TPP1: variants seen among roughly 807,000 people sequenced by gnomAD.
TPP1 encodes tripeptidyl-peptidase 1.
In TPP1, 43 loss-of-function variants were observed where a neutral mutation model predicts 67.6. That is an observed-to-expected ratio of 0.64 (90% confidence interval 0.50 to 0.82). The LOEUF is 0.82. Ranked by LOEUF, TPP1 falls within the 40% of genes least tolerant of loss-of-function variation. The pLI is 0.00. For missense variants in TPP1, 671 were observed against 710.9 expected (o/e 0.94, Z 0.64); for synonymous variants, 272 against 281.5 (o/e 0.97, Z 0.34).
rs1261606377 is a variant in TPP1 at position 6,618,700 on chromosome 11, A to T, written c.229+76T>A. On this transcript the variant is annotated intron_variant, in intron 3 of 12. Transcript: ENST00000299427. Reference sequence around the variant, plus strand: ...AAGTGTCTTGGCAGGCTCTGACATGATCGCCATCCCATGCCCAACCCAGCC... The same window carrying T: ...AAGTGTCTTGGCAGGCTCTGACATGTTCGCCATCCCATGCCCAACCCAGCC... 6 of 1,595,662 alleles carry T rather than the reference A, an allele frequency of 3.8e-6. No homozygotes were observed. The African/African-American group carries it at 8.0e-5, about 21-fold the overall frequency.
rs1855542912 is a variant in TPP1 at position 6,614,403 on chromosome 11, C to T, written c.*143G>A. 3 of 1,165,882 alleles carry T rather than the reference C, an allele frequency of 2.6e-6. No individual in the cohort carries two copies. The highest frequency in any genetic ancestry group is 4.8e-5 in the East Asian group (2 of 41,496). The allele number at this position is 1,165,882 out of a possible 1,614,324, so 72.2% of individuals were successfully genotyped here. A position where few individuals can be genotyped will look rare whatever the true frequency, so the allele number is the denominator to read the frequency against. On this transcript the variant is annotated 3_prime_UTR_variant, in exon 13 of 13. Transcript: ENST00000299427. Reference sequence around the variant, plus strand: ...GTAGGGTTGGGAGTCAAGTCAAGCTCACAGCATTTCAGGGTTAGGGAGATA... The same window carrying T: ...GTAGGGTTGGGAGTCAAGTCAAGCTTACAGCATTTCAGGGTTAGGGAGATA...
intron 3 of TPP1, 150 bp from the exon 4 acceptor site, chr11:6,617,926 G>A: frequency 1.9e-6 from 2 of 1,072,114 alleles, no homozygotes; most frequent in Non-Finnish European, 2.8e-6. Context: ...TACTTGGGAA[G>A]CAGAGGAAGA....
At chr11:6,615,672 G>T in intron 9 of TPP1, 110 bp from the exon 10 acceptor site, 1 of 1,394,194 alleles carries the variant, frequency 7.2e-7, no homozygotes, top group Non-Finnish European at 1.0e-6. Flanking sequence ...AGACTCTGTG[G>T]GGAAGCATGT....
In TPP1 at chr11:6,616,508, A is replaced by T. The variant is rs1589948296; in HGVS notation, c.887-5T>A. ...GCTCCTGTCCCTCATGCCGGCCTGGATTTTTTTTTTTTTTTTTTTTGAGGG... is the reference window on the plus strand; with the variant it reads ...GCTCCTGTCCCTCATGCCGGCCTGGTTTTTTTTTTTTTTTTTTTTTGAGGG... On this transcript the variant is annotated splice_region_variant and splice_polypyrimidine_tract_variant and intron_variant, in intron 7 of 12. Coordinates refer to ENST00000299427, the MANE Select transcript of TPP1 (RefSeq NM_000391.4). 6.7e-7 allele frequency: 1 copy of T among 1,492,658 alleles called. No homozygotes were observed. The highest frequency in any genetic ancestry group is 8.9e-7 in the Non-Finnish European group (1 of 1,120,988). 92.5% of individuals were successfully genotyped at this position (1,492,658 alleles called of 1,614,324 possible).
rs1589947157 is a variant in TPP1, at chr11:6,614,087, A to G, written c.*459T>C. The G allele has an allele frequency of 5.6e-6, 1 of 177,562 alleles. No homozygotes were observed. The highest frequency in any genetic ancestry group is 1.6e-4 in the East Asian group (1 of 6,378). The allele number at this position is 177,562 out of a possible 1,614,324, so 11.0% of individuals were successfully genotyped here. On this transcript the variant is annotated 3_prime_UTR_variant, in exon 13 of 13. Transcript: ENST00000299427. ...AAGTAAGGAGAGGGAGTGGGCAACT[A>G]TGATGGAAAGGCCATAAAGCAAAGA... is the stretch of plus-strand genomic sequence containing the variant.
rs1374784888 is a variant in TPP1, at chr11:6,618,755, G to A, written c.229+21C>T. The stretch of plus-strand genomic sequence containing the variant: ...GTCCCTCCACCGCATCCCACATCCT[G>A]TCCTCAGTCCCAAAAGGCACCGTAT... On this transcript the variant is annotated intron_variant, in intron 3 of 12. Transcript: ENST00000299427. 6.8e-6 allele frequency: 11 copies of A among 1,612,902 alleles called. No individual in the cohort carries two copies. In the Admixed American group the frequency reaches 1.8e-4, roughly 27 times the overall value.
rs57382209 is a variant in TPP1, at chr11:6,616,904, C to T, written c.688-45G>A. 4,466 of 1,613,942 alleles carry T rather than the reference C, an allele frequency of 2.8e-3. 108 individuals carry two copies. The African/African-American group carries it at 0.053, about 19-fold the overall frequency. ...AGAGATCGTGGGTCCGAGGGTGAGT[C>T]CCAGGGTGGTAAGGAATTGAGGACA... On this transcript the variant is annotated intron_variant, in intron 6 of 12. Coordinates refer to ENST00000299427, the MANE Select transcript of TPP1 (RefSeq NM_000391.4).
Position 6,615,943 on chromosome 11 carries a change from A to G in TPP1, c.1145+62T>C, listed in dbSNP as rs369636211. The G allele has an allele frequency of 2.0e-4, 312 of 1,572,362 alleles. 2 individuals are homozygous for G. The highest frequency in any genetic ancestry group is 1.0e-3 in the South Asian group (94 of 90,156). ...ATGGTGGGGTCAAGACAAAGGTTCT[A>G]CATCATGAGATCACAAGTGAAAGGT... On this transcript the variant is annotated intron_variant, in intron 9 of 12. Coordinates refer to ENST00000299427, the MANE Select transcript of TPP1 (RefSeq NM_000391.4).
In TPP1 at chr11:6,616,401, T is replaced by C; in HGVS notation, c.989A>G (p.Asp330Gly). 6 of 1,613,386 alleles carry C rather than the reference T, an allele frequency of 3.7e-6. No homozygotes were observed. The highest frequency in any genetic ancestry group is 4.2e-6 in the Non-Finnish European group (5 of 1,179,912). ...CTGGATGTAGGCGCTGCTGAGGGAG[T>C]CCTCATCATCTCCATAGCTCACAGT... ...VHTVSYGDDEDSLSSAYIQRV... is the reference protein window; with the variant it reads ...VHTVSYGDDEGSLSSAYIQRV... Residue 330 changes from aspartate to glycine, a missense_variant, in exon 8 of 13, where the codon GAC (aspartate) becomes GGC (glycine). By Grantham distance (94) the Asp-to-Gly change is moderately conservative (BLOSUM62 -1). Transcript: ENST00000299427.
chr11:6,614,663 G>T lies in TPP1; in HGVS notation c.1575C>A (p.Ser525=), dbSNP rs1430633492. 6.2e-7 allele frequency: 1 copy of T among 1,614,006 alleles called. No individual in the cohort carries two copies. The highest frequency in any genetic ancestry group is 1.3e-5 in the African/African-American group (1 of 74,898). Residue 525 remains serine (S), a synonymous_variant, in exon 13 of 13, where the codon TCC becomes TCA. Transcript: ENST00000299427. ...LFDVTRGCHE[S]CLDEEVEGQG... is the part of the protein sequence containing the mutation. ...GGCCCTCTACCTCTTCATCCAGACAGGACTCATGGCAGCCACGGGTTACCT... is the reference window on the plus strand; with the variant it reads ...GGCCCTCTACCTCTTCATCCAGACATGACTCATGGCAGCCACGGGTTACCT...
Position 6,616,206 on chromosome 11 carries a change from G to A in TPP1, c.1075+109C>T. ...TCAGGTCAGTGGTCCCTACTGGAAG[G>A]TCTGAGTTCAGATTATGAGTCAGAG... On this transcript the variant is annotated intron_variant, in intron 8 of 12. Coordinates refer to ENST00000299427, the MANE Select transcript of TPP1 (RefSeq NM_000391.4). The A allele has an allele frequency of 2.5e-6, 4 of 1,583,032 alleles. No homozygotes were observed. In the South Asian group the frequency reaches 4.4e-5, roughly 18 times the overall value.
intron 8 of TPP1, 22 bp from the exon 9 acceptor site, chr11:6,616,096 A>C (rs1253811702): frequency 6.2e-7 from 1 of 1,613,784 alleles, no homozygotes; most frequent in African/African-American, 1.3e-5. Context: ...CAAGTGTAGC[A>C]TTCATATTAA....
rs587780972 is a variant in TPP1, at chr11:6,616,025, G to A, written c.1125C>T (p.Arg375=). The part of the protein sequence containing the change: ...CWSVSGRHQF[R]PTFPASSPYV... Reference sequence around the variant, plus strand: ...CTTACCTGGAGGCAGGGAAGGTAGGGCGGAACTGGTGTCTTCCAGAGACAG... The same window carrying A: ...CTTACCTGGAGGCAGGGAAGGTAGGACGGAACTGGTGTCTTCCAGAGACAG... The change falls in exon 9 of 13, where the codon CGC becomes CGT. Residue 375 remains arginine (R), a synonymous_variant. Coordinates refer to ENST00000299427, the MANE Select transcript of TPP1 (RefSeq NM_000391.4). 11 of 1,614,088 alleles carry A rather than the reference G, an allele frequency of 6.8e-6. No homozygotes were observed. The African/African-American group carries it at 1.5e-4, about 22-fold the overall frequency.
chr11:6,615,726 C>T (rs2734721), intron 9 of TPP1, 164 bp from the exon 10 acceptor site: 26 of 931,102 alleles, frequency 2.8e-5, no homozygotes, highest in East Asian at 5.1e-5. Context: ...AGGCATGGCC[C>T]GAGGTGACTG....
rs191674664 is a variant in TPP1 at position 6,619,162 on chromosome 11, G to A, written c.89+34C>T. ...GACAGTGGGAGGCAGAACAGGGTAT[G>A]GGGAAGGGGGCAGTCTGTGCTAAGT... On this transcript the variant is annotated intron_variant, in intron 2 of 12. Coordinates refer to ENST00000299427, the MANE Select transcript of TPP1 (RefSeq NM_000391.4). The A allele has an allele frequency of 3.4e-4, 548 of 1,612,378 alleles. 3 individuals carry two copies. The African/African-American group carries it at 6.5e-3, about 19-fold the overall frequency.
Position 6,618,787 on chromosome 11 carries a change from G to T in TPP1, c.218C>A (p.Ser73Tyr). ...GTCCCAAAAGGCACCGTATTGAGGA[G>T]AGCTGGGATCCGACACAGCCTGCAC... ...ELVQAVSDPSSPQYGKYLTLE... is the reference protein window; with the variant it reads ...ELVQAVSDPSYPQYGKYLTLE... Residue 73 changes from serine to tyrosine, a missense_variant, in exon 3 of 13, where the codon TCT becomes TAT. Physicochemically the swap from Ser to Tyr is moderately radical, Grantham distance 144. Transcript: ENST00000299427. 6.2e-7 allele frequency: 1 copy of T among 1,613,920 alleles called. No individual in the cohort carries two copies. The highest frequency in any genetic ancestry group is 8.5e-7 in the Non-Finnish European group (1 of 1,180,036).
intron 2 of TPP1, 43 bp downstream of exon 2, chr11:6,619,153 A>G (rs1363692872): frequency 1.2e-6 from 2 of 1,610,540 alleles, no homozygotes; most frequent in South Asian, 1.1e-5. Flanking sequence ...GGGAGGCAGA[A>G]CAGGGTATGG....
chr11:6,614,534 G>C lies in TPP1; in HGVS notation c.*12C>G, dbSNP rs368345241. On this transcript the variant is annotated 3_prime_UTR_variant, in exon 13 of 13. Transcript: ENST00000299427. ...GGGCAGGGGACAAGCCATCTCTCCT[G>C]ATAGGAAAGGGTCAGGGGTTGAGTA... The C allele has an allele frequency of 6.2e-7, 1 of 1,614,178 alleles. No individual in the cohort carries two copies. Among genetic ancestry groups the C allele is most frequent in the Non-Finnish European group, 8.5e-7 (1 of 1,180,028 alleles).
chr11:6,619,373 C>G lies in TPP1; in HGVS notation c.17+11G>C. Reference sequence around the variant, plus strand: ...GTGATCCCTTTCTCCCGAGCCCTCTCAATTTCTCACCAGGCTTGGAGTCCC... The same window carrying G: ...GTGATCCCTTTCTCCCGAGCCCTCTGAATTTCTCACCAGGCTTGGAGTCCC... On this transcript the variant is annotated intron_variant, in intron 1 of 12. Coordinates refer to ENST00000299427, the MANE Select transcript of TPP1 (RefSeq NM_000391.4). The G allele has an allele frequency of 6.2e-7, 1 of 1,614,234 alleles. No homozygotes were observed. The highest frequency in any genetic ancestry group is 8.5e-7 in the Non-Finnish European group (1 of 1,180,042).
Sources: allele counts gnomAD v4.1 joint callset, GRCh38; gene constraint gnomAD v4.1.1; transcripts MANE v1.5; gene names NCBI Gene and HGNC (gene_info 2026-07-23, HGNC 2026-07-21).